PADI1: variants seen among roughly 807,000 people sequenced by gnomAD.
The protein encoded by PADI1 is peptidyl arginine deiminase 1.
Under a neutral mutation model 74.8 loss-of-function variants are expected in PADI1, and 65 were observed. The ratio of observed to expected loss-of-function variants is 0.87; its 90% CI spans 0.71 to 1.07. PADI1 has a LOEUF of 1.07. PADI1 is among the 50% of genes least tolerant of loss of function. PADI1 has a pLI of 0.00. For synonymous variants in PADI1, 371 were observed against 336.2 expected (o/e 1.10, Z -1.13); for missense variants, 943 against 854.0 (o/e 1.10, Z -1.30).
rs775391121 is a variant in PADI1 at position 17,232,896 on chromosome 1, C to G, written c.1239C>G (p.Asp413Glu). The change falls in exon 11 of 16, where the codon GAC (aspartate) becomes GAG (glutamate). Residue 413 changes from aspartate (D) to glutamate (E), a missense_variant. Asp to Glu is a conservative substitution (Grantham distance 45). Transcript: ENST00000375471. ...PSSLDSFGNL[D>E]VSPPVTVGGT... ...GCCTTGACTCCTTCGGCAACCTGGA[C>G]GTCAGCCCGCCCGTCACGGTGGGCG... is the stretch of plus-strand genomic sequence containing the variant. The G allele has an allele frequency of 1.2e-6, 2 of 1,613,394 alleles. No individual in the cohort carries two copies. The highest frequency in any genetic ancestry group is 8.5e-7 in the Non-Finnish European group (1 of 1,179,908).
At chr1:17,222,159 G>GC in intron 1 of PADI1, 131 bp from the exon 2 acceptor site, 1 of 651,444 alleles carries the variant, frequency 1.5e-6, no homozygotes, top group Non-Finnish European at 2.7e-6. Context: ...ACTGCCCTGT[G>GC]CCTCCCCAGC....
In PADI1 at chr1:17,221,748, G is replaced by A. The variant is rs896138815; in HGVS notation, c.93-542G>A. Reference sequence around the variant, plus strand: ...CCAGCGTGGCTGGAGCTAAGTGAGCGAGGGAAAGCGTAGTAGGGAGGAGGC... The same window carrying A: ...CCAGCGTGGCTGGAGCTAAGTGAGCAAGGGAAAGCGTAGTAGGGAGGAGGC... On this transcript the variant is annotated intron_variant, in intron 1 of 15. Transcript: ENST00000375471. Among the ~76,000 whole-genome samples, 3 of 152,334 alleles carry A rather than the reference G, an allele frequency of 2.0e-5. No homozygotes were observed. The East Asian group carries it at 5.8e-4, about 29-fold the overall frequency.
chr1:17,231,617 G>A (rs2072492408), intron 10 of PADI1, among the ~76,000 whole-genome samples: 1 of 152,154 alleles, frequency 6.6e-6, no homozygotes, highest in Non-Finnish European at 1.5e-5. Flanking sequence ...ACCTGCCCCG[G>A]GCTTGGCCTG....
At chr1:17,217,979 T>C (rs2072025727) in intron 1 of PADI1, among the ~76,000 whole-genome samples, 1 of 152,272 alleles carries the variant, frequency 6.6e-6, no homozygotes, top group South Asian at 2.1e-4. Context: ...GTTGCTCATA[T>C]CCTAGATGAA....
chr1:17,211,474 A>C (rs991876351), intron 1 of PADI1, among the ~76,000 whole-genome samples: 6 of 152,166 alleles, frequency 3.9e-5, no homozygotes, highest in African/African-American at 1.4e-4. Flanking sequence ...CCCTGTTTTA[A>C]GTGCTCACTG....
chr1:17,229,370 C>T (rs1204286796), intron 8 of PADI1, among the ~76,000 whole-genome samples: 1 of 152,238 alleles, frequency 6.6e-6, no homozygotes, highest in African/African-American at 2.4e-5. Flanking sequence ...GCACAGGCTG[C>T]TGGTGGCCAT....
intron 1 of PADI1, among the ~76,000 whole-genome samples, chr1:17,221,525 G>C (rs148453402): frequency 2.0e-5 from 3 of 151,914 alleles, no homozygotes; most frequent in African/African-American, 2.4e-5. Flanking sequence ...GATCAGTCGG[G>C]GGGAAAGGTG....
At chr1:17,235,443 T>A (rs184743900) in intron 11 of PADI1, among the ~76,000 whole-genome samples, 8 of 152,104 alleles carry the variant, frequency 5.3e-5, no homozygotes, top group African/African-American at 1.7e-4. Flanking sequence ...TGGGCAGGGA[T>A]GGACCGGTAG....
At chr1:17,243,765 T>A (rs1008663708) in intron 15 of PADI1, among the ~76,000 whole-genome samples, 2 of 152,198 alleles carry the variant, frequency 1.3e-5, no homozygotes, top group East Asian at 3.8e-4. Context: ...TTGTTTTTGT[T>A]TTTTAATGTA....
chr1:17,230,549 C>T, intron 9 of PADI1, 23 bp from the exon 10 acceptor site: 1 of 1,546,504 alleles, frequency 6.5e-7, no homozygotes, highest in Non-Finnish European at 8.9e-7. Context: ...GTCACTGTGG[C>T]TTTTTCATCT....
intron 1 of PADI1, among the ~76,000 whole-genome samples, chr1:17,207,211 C>T (rs545841898): frequency 2.6e-5 from 4 of 152,180 alleles, no homozygotes; most frequent in Non-Finnish European, 4.4e-5. Flanking sequence ...CTTAGCTCTG[C>T]CACTGACTTC....
chr1:17,237,318 G>T lies in PADI1; in HGVS notation c.1318G>T (p.Gly440Cys). 1.9e-6 allele frequency: 3 copies of T among 1,607,712 alleles called. No individual in the cohort carries two copies. The highest frequency in any genetic ancestry group is 2.5e-6 in the Non-Finnish European group (3 of 1,176,610). Residue 440 changes from glycine to cysteine, a missense_variant, in exon 12 of 16, where the codon GGT (glycine) becomes TGT (cysteine). By Grantham distance (159) the Gly-to-Cys change is radical. Coordinates refer to ENST00000375471, the MANE Select transcript of PADI1 (RefSeq NM_013358.3). ...ILIGSSFPKS[G>C]GRQMARAVRN... ...CGCCCTCTCCCTCCTGGCCAGGTCC[G>T]GTGGGCGGCAGATGGCCAGGGCAGT...
In PADI1 at chr1:17,245,181, G is replaced by A. The variant is rs1054604640; in HGVS notation, c.*938G>A. 2.0e-5 allele frequency: 3 copies of A among 152,662 alleles called. No individual in the cohort carries two copies. Among genetic ancestry groups the A allele is most frequent in the Non-Finnish European group, 4.4e-5 (3 of 68,090 alleles). The allele number at this position is 152,662 out of a possible 1,614,324, so 9.5% of individuals were successfully genotyped here. On this transcript the variant is annotated 3_prime_UTR_variant, in exon 16 of 16. Coordinates refer to ENST00000375471, the MANE Select transcript of PADI1 (RefSeq NM_013358.3). This position sits in a 1 kb window ranked among gnomAD's most constrained non-coding sequence, Gnocchi z 4.1. ...TAGAAGAGGGTGTGTGTGTTGGGAG[G>A]AAATTAGGTTATCTCTGAAGGTGGA...
intron 3 of PADI1, among the ~76,000 whole-genome samples, chr1:17,224,050 G>A (rs769992878): frequency 1.3e-5 from 2 of 152,236 alleles, no homozygotes; most frequent in African/African-American, 2.4e-5. Context: ...CCCAGCCCCT[G>A]CAACCTCAGG....
chr1:17,235,293 G>GGAGGGAGGGAAGGAAGGAA, intron 11 of PADI1, among the ~76,000 whole-genome samples: 1 of 62,876 alleles, frequency 1.6e-5, no homozygotes, highest in African/African-American at 5.9e-5. Flanking sequence ...GAAGGAAGGA[G>GGAGGGAGGGAAGGAAGGAA]GGAAGGAAGG....
At chr1:17,207,754 G>T (rs748197637) in intron 1 of PADI1, among the ~76,000 whole-genome samples, 1 of 152,232 alleles carries the variant, frequency 6.6e-6, no homozygotes, top group African/African-American at 2.4e-5. Flanking sequence ...GGGAGGCAGA[G>T]GTTGCTCTGG....
At chr1:17,215,441 G>A (rs1457745937) in intron 1 of PADI1, among the ~76,000 whole-genome samples, 1 of 151,712 alleles carries the variant, frequency 6.6e-6, no homozygotes, top group Non-Finnish European at 1.5e-5. Context: ...CTCCAAATAG[G>A]GGGCTGTGAC....
intron 2 of PADI1, among the ~76,000 whole-genome samples, chr1:17,222,838 G>A (rs1388035391): frequency 6.6e-6 from 1 of 152,156 alleles, no homozygotes; most frequent in African/African-American, 2.4e-5. Context: ...ACCCGTGCAG[G>A]TGCACACACA....
At chr1:17,237,880 C>T (rs535704298) in intron 12 of PADI1, among the ~76,000 whole-genome samples, 29 of 152,232 alleles carry the variant, frequency 1.9e-4, no homozygotes, top group African/African-American at 6.7e-4. Flanking sequence ...GATTCAAATC[C>T]GGGTTCTGGG....
Sources: allele counts gnomAD v4.1 joint callset (sites outside exome capture counted in the v4.1 genomes callset), GRCh38; gene constraint gnomAD v4.1.1; non-coding constraint Gnocchi (gnomAD v3.1); transcripts MANE v1.5; gene names NCBI Gene and HGNC (gene_info 2026-07-23, HGNC 2026-07-21).